Variants in ATRNL1 observed in about 807,000 individuals in gnomAD.
ATRNL1 encodes the protein attractin like 1.
Under a neutral mutation model 182.7 loss-of-function variants are expected in ATRNL1, and 95 were observed. The ratio of observed to expected loss-of-function variants is 0.52; its 90% CI spans 0.44 to 0.62. ATRNL1 has a LOEUF of 0.62. Among genes scored for constraint, ATRNL1 ranks in the 20% least tolerant of loss-of-function variants. The pLI is 0.00. For missense variants in ATRNL1, 1,471 were observed against 1,679.5 expected (o/e 0.88, Z 2.17); for synonymous variants, 576 against 568.3 (o/e 1.01, Z -0.19).
chr10:115,940,178 C>T (rs1312905527), intron 28 of ATRNL1, among the ~76,000 whole-genome samples: 3 of 152,070 alleles, frequency 2.0e-5, no homozygotes, highest in Non-Finnish European at 4.4e-5. Flanking sequence ...GATGAGAGGC[C>T]GTTAGCTTGT....
intron 26 of ATRNL1, among the ~76,000 whole-genome samples, chr10:115,684,736 C>G (rs1555045830): frequency 6.6e-6 from 1 of 151,556 alleles, no homozygotes; most frequent in East Asian, 1.9e-4. Context: ...ATGTTCATTA[C>G]AGAGTTGTTG....
intron 24 of ATRNL1, among the ~76,000 whole-genome samples, chr10:115,515,279 A>T (rs1189608358): frequency 6.7e-6 from 1 of 148,612 alleles, no homozygotes; most frequent in Non-Finnish European, 1.5e-5. Flanking sequence ...ATTTAAGGGG[A>T]TAGATAGTCT....
At chr10:115,903,164 A>G (rs1370191687) in intron 28 of ATRNL1, among the ~76,000 whole-genome samples, 2 of 152,196 alleles carry the variant, frequency 1.3e-5, no homozygotes, top group African/African-American at 2.4e-5. Context: ...TAATTATTTA[A>G]AGTGTGACTA....
At chr10:115,437,990 C>A (rs1211483689) in intron 21 of ATRNL1, among the ~76,000 whole-genome samples, 1 of 151,850 alleles carries the variant, frequency 6.6e-6, no homozygotes, top group Non-Finnish European at 1.5e-5. Flanking sequence ...GAGATTACAA[C>A]CAAGATCTCC....
At chr10:115,554,016 G>T (rs945474710) in intron 26 of ATRNL1, among the ~76,000 whole-genome samples, 21 of 151,458 alleles carry the variant, frequency 1.4e-4, no homozygotes, top group African/African-American at 4.3e-4. Flanking sequence ...ATTTTAGGTG[G>T]ATAAATTCAA....
chr10:115,569,793 A>G (rs1555002956), intron 26 of ATRNL1, among the ~76,000 whole-genome samples: 2 of 147,272 alleles, frequency 1.4e-5, no homozygotes, highest in African/African-American at 5.0e-5. Flanking sequence ...TTTTTTTTTA[A>G]CAATGTATTA....
At chr10:115,554,468 T>C (rs1554996509) in intron 26 of ATRNL1, among the ~76,000 whole-genome samples, 1 of 151,646 alleles carries the variant, frequency 6.6e-6, no homozygotes, top group Non-Finnish European at 1.5e-5. Flanking sequence ...TCATGGTAAA[T>C]ATAGTGCTTT....
At chr10:115,351,817 G>A (rs1040827242) in intron 19 of ATRNL1, among the ~76,000 whole-genome samples, 3 of 151,002 alleles carry the variant, frequency 2.0e-5, no homozygotes, top group African/African-American at 4.9e-5. Flanking sequence ...TTGGTATCAG[G>A]ATAATGCTGG....
At chr10:115,213,260 G>C (rs1554895430) in intron 8 of ATRNL1, among the ~76,000 whole-genome samples, 1 of 152,004 alleles carries the variant, frequency 6.6e-6, no homozygotes, top group African/African-American at 2.4e-5. Flanking sequence ...CACCTAGTTT[G>C]GGTTTTGCAT....
intron 1 of ATRNL1, among the ~76,000 whole-genome samples, chr10:115,104,027 A>G (rs1554865294): frequency 6.6e-6 from 1 of 152,204 alleles, no homozygotes; most frequent in Non-Finnish European, 1.5e-5. Flanking sequence ...TCTCTTCAAT[A>G]TACTGATTTC....
chr10:115,743,238 T>TGAAAA (rs373811994), intron 27 of ATRNL1, among the ~76,000 whole-genome samples: 1 of 115,988 alleles, frequency 8.6e-6, no homozygotes, highest in Non-Finnish European at 1.7e-5. Flanking sequence ...TCTCTTATAG[T>TGAAAA]AAAAAAAAAA....
intron 10 of ATRNL1, among the ~76,000 whole-genome samples, chr10:115,254,487 G>A (rs1340408058): frequency 6.6e-6 from 1 of 151,462 alleles, no homozygotes; most frequent in African/African-American, 2.4e-5. Context: ...GGGGTTGTTT[G>A]TTTTTTTCTT....
chr10:115,726,997 G>T (rs1215638031), intron 26 of ATRNL1, among the ~76,000 whole-genome samples: 5 of 151,968 alleles, frequency 3.3e-5, no homozygotes, highest in Admixed American at 6.6e-5. Flanking sequence ...TGAGTACATT[G>T]TATTAGGCCT....
At chr10:115,421,465 G>A (rs1565024977) in intron 20 of ATRNL1, among the ~76,000 whole-genome samples, 1 of 152,144 alleles carries the variant, frequency 6.6e-6, no homozygotes, top group Admixed American at 6.5e-5. Flanking sequence ...CTCAATAGAT[G>A]CTAAAAAAAG....
At chr10:115,306,001 A>G (rs1000010329) in intron 17 of ATRNL1, among the ~76,000 whole-genome samples, 1 of 152,170 alleles carries the variant, frequency 6.6e-6, no homozygotes, top group Admixed American at 6.5e-5. Context: ...GAAAGTAGGG[A>G]AAAACTGGTT....
At chr10:115,560,132 A>G (rs1397868992) in intron 26 of ATRNL1, among the ~76,000 whole-genome samples, 1 of 152,242 alleles carries the variant, frequency 6.6e-6, no homozygotes, top group African/African-American at 2.4e-5. Context: ...TTCAATTCAA[A>G]ATAGCATCAA....
At chr10:115,312,807 A>T (rs1854102192) in intron 17 of ATRNL1, among the ~76,000 whole-genome samples, 1 of 151,838 alleles carries the variant, frequency 6.6e-6, no homozygotes, top group Non-Finnish European at 1.5e-5. Flanking sequence ...CCTTTTTTAA[A>T]TTATTTTTTC....
At chr10:115,815,012 G>A (rs1267168857) in intron 27 of ATRNL1, among the ~76,000 whole-genome samples, 1 of 152,148 alleles carries the variant, frequency 6.6e-6, no homozygotes, top group African/African-American at 2.4e-5. Context: ...ACCTGATCAA[G>A]TTAGAAGAAA....
At chr10:115,160,310 T>A in intron 6 of ATRNL1, 96 bp downstream of exon 6, 1 of 1,209,940 alleles carries the variant, frequency 8.3e-7, no homozygotes, top group Non-Finnish European at 1.2e-6. Flanking sequence ...TAAAAGTGGT[T>A]ATTTTTGTGG....
Sources: allele counts gnomAD v4.1 joint callset (sites outside exome capture counted in the v4.1 genomes callset), GRCh38; gene constraint gnomAD v4.1.1; transcripts MANE v1.5; gene names NCBI Gene and HGNC (gene_info 2026-07-23, HGNC 2026-07-21).